RNLS: variants seen among roughly 807,000 people sequenced by gnomAD.
RNLS encodes the protein renalase.
A neutral mutation model predicts 39.8 loss-of-function variants in RNLS; 39 were observed. The observed-to-expected ratio is 0.98, with a 90% CI of 0.76 to 1.28. The LOEUF (loss-of-function observed/expected upper bound fraction) is 1.28, where lower values mean the gene tolerates loss of function less well. Among genes scored for constraint, RNLS ranks in the 50% most tolerant of loss-of-function variants. RNLS has a pLI of 0.00. For missense variants in RNLS, 410 were observed against 413.3 expected, an observed-to-expected ratio of 0.99 and a Z score of 0.07; for synonymous variants, 147 against 150.7, an observed-to-expected ratio of 0.98 and a Z score of 0.18.
intron 6 of RNLS, among the ~76,000 whole-genome samples, chr10:88,298,446 C>T (rs1844250037): frequency 6.6e-6 from 1 of 152,038 alleles, no homozygotes; most frequent in Admixed American, 6.6e-5. Flanking sequence ...ATGTTTTCTT[C>T]TAGAAGTTTT....
chr10:88,209,035 C>G, the RNLS span, among the ~76,000 whole-genome samples: 3 of 152,076 alleles, frequency 2.0e-5, no homozygotes, highest in Non-Finnish European at 2.9e-5. Flanking sequence ...ATAGCTTTTC[C>G]CAGTGGTAGC....
At chr10:88,374,870 G>T (rs1023546636) in intron 4 of RNLS, among the ~76,000 whole-genome samples, 1 of 151,928 alleles carries the variant, frequency 6.6e-6, no homozygotes, top group Admixed American at 6.6e-5. Context: ...CCCAGCTCAG[G>T]CAGCAAGCAA....
At chr10:88,554,864 A>AAATAC (rs926618752) in intron 4 of RNLS, among the ~76,000 whole-genome samples, 2 of 152,150 alleles carry the variant, frequency 1.3e-5, no homozygotes, top group South Asian at 4.1e-4. Flanking sequence ...CCTATCTTAA[A>AAATAC]AATACAATAC....
chr10:88,172,842 G>GTTTTTTTTTTTTTTTTTT, the RNLS span, among the ~76,000 whole-genome samples: 82 of 43,766 alleles, frequency 1.9e-3, 29 homozygotes, highest in East Asian at 2.8e-3. Flanking sequence ...ATTTTGAGTT[G>GTTTTTTTTTTTTTTTTTT]TTTTTTTTTT....
At chr10:88,274,428 A>G (rs953044602) in exon 7 of RNLS, 5 of 152,748 alleles carry the variant, frequency 3.3e-5, no homozygotes, top group African/African-American at 1.2e-4. Context: ...GATTCCTCAT[A>G]TAAGTAGAAT....
chr10:88,216,787 C>CAA, the RNLS span, among the ~76,000 whole-genome samples: 2 of 152,066 alleles, frequency 1.3e-5, no homozygotes, highest in Non-Finnish European at 2.9e-5. Context: ...ACAACAACAA[C>CAA]AAAAAAACCC....
the RNLS span, among the ~76,000 whole-genome samples, chr10:88,229,275 G>A: frequency 6.6e-6 from 1 of 152,148 alleles, no homozygotes; most frequent in African/African-American, 2.4e-5. Context: ...GAGAAGTTGA[G>A]GTGCTTCTCT....
intron 5 of RNLS, among the ~76,000 whole-genome samples, chr10:88,332,813 C>T (rs1251239554): frequency 6.6e-6 from 1 of 152,080 alleles, no homozygotes; most frequent in Non-Finnish European, 1.5e-5. Context: ...TGGTTTTTTT[C>T]TCCTCTTCCT....
the RNLS span, among the ~76,000 whole-genome samples, chr10:88,185,637 GGC>G: frequency 6.6e-6 from 1 of 151,656 alleles, no homozygotes; most frequent in East Asian, 1.9e-4. Flanking sequence ...GTATAGATTG[GGC>G]ATTATTTTCT....
At chr10:88,478,820 G>A (rs1397540097) in intron 4 of RNLS, among the ~76,000 whole-genome samples, 1 of 151,976 alleles carries the variant, frequency 6.6e-6, no homozygotes, top group Non-Finnish European at 1.5e-5. Context: ...ACTTCACATA[G>A]CCTTAACTAA....
At chr10:88,261,865 A>G in the RNLS span, among the ~76,000 whole-genome samples, 1 of 152,354 alleles carries the variant, frequency 6.6e-6, no homozygotes, top group East Asian at 1.9e-4. Flanking sequence ...CCAAAAGCCC[A>G]AAGAACTGTG....
intron 4 of RNLS, among the ~76,000 whole-genome samples, chr10:88,423,245 G>C (rs1854514369): frequency 6.6e-6 from 1 of 152,140 alleles, no homozygotes; most frequent in South Asian, 2.1e-4. Flanking sequence ...AGAATGGCAT[G>C]ATTAGGCTTG....
chr10:88,229,182 G>A, the RNLS span, among the ~76,000 whole-genome samples: 1 of 152,196 alleles, frequency 6.6e-6, no homozygotes, highest in Non-Finnish European at 1.5e-5. Flanking sequence ...TAATAGAACT[G>A]TATCTGTTAG....
intron 6 of RNLS, among the ~76,000 whole-genome samples, chr10:88,306,328 GT>G (rs1378916386): frequency 3.3e-5 from 5 of 152,050 alleles, no homozygotes. Flanking sequence ...CCCAAAATCA[GT>G]GCTGAACTGA....
intron 4 of RNLS, among the ~76,000 whole-genome samples, chr10:88,376,328 G>C (rs1276370939): frequency 6.6e-6 from 1 of 152,064 alleles, no homozygotes; most frequent in East Asian, 1.9e-4. Flanking sequence ...GAGAAAATAA[G>C]AATAGGCACC....
chr10:88,484,568 C>T (rs1844381381), intron 4 of RNLS, among the ~76,000 whole-genome samples: 1 of 151,870 alleles, frequency 6.6e-6, no homozygotes, highest in African/African-American at 2.4e-5. Context: ...TTTCTTCTCC[C>T]CACTCCTAGC....
chr10:88,224,648 T>C, the RNLS span, among the ~76,000 whole-genome samples: 1 of 152,312 alleles, frequency 6.6e-6, no homozygotes, highest in Admixed American at 6.5e-5. Flanking sequence ...TGGTATTATA[T>C]AACTTTCTGT....
chr10:88,375,590 C>CCAA (rs1850927618), intron 4 of RNLS, among the ~76,000 whole-genome samples: 1 of 152,282 alleles, frequency 6.6e-6, no homozygotes, highest in South Asian at 2.1e-4. Context: ...AATCAGATTA[C>CCAA]CAACAGAGAG....
chr10:88,267,262 G>C, the RNLS span, among the ~76,000 whole-genome samples: 1 of 152,154 alleles, frequency 6.6e-6, no homozygotes, highest in African/African-American at 2.4e-5. Context: ...AACCCAGGAA[G>C]CAATATATAA....
Sources: gnomAD v4.1 joint callset for allele counts (sites outside exome capture counted in the v4.1 genomes callset) on GRCh38, gnomAD v4.1.1 for gene constraint, MANE v1.5 for transcripts, NCBI Gene and HGNC (gene_info 2026-07-23, HGNC 2026-07-21) for gene names.